Variants in SEZ6L observed in about 807,000 individuals in gnomAD.
The protein encoded by SEZ6L is seizure 6-like protein.
A neutral mutation model predicts 106.2 loss-of-function variants in SEZ6L; 37 were observed. The ratio of observed to expected loss-of-function variants is 0.35; its 90% CI spans 0.27 to 0.46. The LOEUF (loss-of-function observed/expected upper bound fraction) is 0.46. Among genes scored for constraint, SEZ6L ranks in the 20% least tolerant of loss-of-function variants. The pLI is 1.00. For synonymous variants in SEZ6L, 541 were observed against 570.4 expected (o/e 0.95, Z 0.73); for missense variants, 1,172 against 1,332.8 (o/e 0.88, Z 1.88).
intron 1 of SEZ6L, among the ~76,000 whole-genome samples, chr22:26,206,472 T>TA (rs1602029211): frequency 6.6e-6 from 1 of 152,358 alleles, no homozygotes; most frequent in Non-Finnish European, 1.5e-5. Flanking sequence ...ATGCAGTAGA[T>TA]ACCATCCCCA....
intron 1 of SEZ6L, among the ~76,000 whole-genome samples, chr22:26,219,723 A>G (rs1278481762): frequency 1.3e-5 from 2 of 152,242 alleles, no homozygotes; most frequent in Non-Finnish European, 2.9e-5. Context: ...AGGATCATGC[A>G]ATGCCTGGTG....
intron 12 of SEZ6L, among the ~76,000 whole-genome samples, chr22:26,361,292 G>T (rs2083614399): frequency 6.7e-6 from 1 of 148,654 alleles, no homozygotes. Flanking sequence ...GAGGTCAGGA[G>T]TTCGAGACCA....
intron 1 of SEZ6L, among the ~76,000 whole-genome samples, chr22:26,197,856 C>T (rs1006773238): frequency 6.6e-6 from 1 of 152,102 alleles, no homozygotes; most frequent in African/African-American, 2.4e-5. Context: ...AAAGAGAATG[C>T]CGCCATCCAA....
intron 9 of SEZ6L, among the ~76,000 whole-genome samples, chr22:26,314,520 G>A (rs919377034): frequency 3.9e-5 from 6 of 152,156 alleles, no homozygotes; most frequent in African/African-American, 1.4e-4. Flanking sequence ...TCTGGGGCTG[G>A]GTCTGACTAC....
At chr22:26,326,479 T>C (rs181649018) in intron 9 of SEZ6L, among the ~76,000 whole-genome samples, 4 of 152,310 alleles carry the variant, frequency 2.6e-5, no homozygotes, top group South Asian at 2.1e-4. Flanking sequence ...CCCTTACCTT[T>C]GTGCCAAGCT....
intron 1 of SEZ6L, among the ~76,000 whole-genome samples, chr22:26,269,375 A>G (rs970913161): frequency 6.6e-6 from 1 of 152,162 alleles, no homozygotes; most frequent in Non-Finnish European, 1.5e-5. Flanking sequence ...AACTAGCAGT[A>G]CCCACTGCTC....
chr22:26,374,752 T>A (rs532767835), intron 14 of SEZ6L, among the ~76,000 whole-genome samples: 9 of 152,314 alleles, frequency 5.9e-5, no homozygotes, highest in African/African-American at 2.2e-4. Flanking sequence ...GGAGGCCAAG[T>A]TTCTAGAAGG....
intron 10 of SEZ6L, 147 bp from the exon 11 acceptor site, chr22:26,347,572 G>A: frequency 1.7e-6 from 1 of 586,584 alleles, no homozygotes; most frequent in Non-Finnish European, 2.8e-6. Flanking sequence ...CTATAGACGA[G>A]CTCTTGCCAG....
At chr22:26,350,633 G>T (rs1364529073) in intron 11 of SEZ6L, among the ~76,000 whole-genome samples, 1 of 150,740 alleles carries the variant, frequency 6.6e-6, no homozygotes, top group Non-Finnish European at 1.5e-5. Context: ...CTTCCAAAAA[G>T]GAAAAGAACT....
intron 1 of SEZ6L, among the ~76,000 whole-genome samples, chr22:26,283,390 A>G (rs1354843479): frequency 6.6e-6 from 1 of 152,218 alleles, no homozygotes; most frequent in Non-Finnish European, 1.5e-5. Context: ...TAATGTAATC[A>G]TTTAAAAAGA....
chr22:26,371,356 C>A (rs2146075551), intron 13 of SEZ6L, among the ~76,000 whole-genome samples: 1 of 151,984 alleles, frequency 6.6e-6, no homozygotes. Flanking sequence ...TTGGAGCAAT[C>A]CACGCTCACC....
chr22:26,345,344 T>A (rs1228561771), intron 10 of SEZ6L, among the ~76,000 whole-genome samples: 2 of 152,148 alleles, frequency 1.3e-5, no homozygotes, highest in Non-Finnish European at 2.9e-5. Flanking sequence ...AAATTACAAA[T>A]GCAGTGGGTG....
intron 10 of SEZ6L, among the ~76,000 whole-genome samples, 192 bp downstream of exon 10, chr22:26,340,824 A>G (rs1384233640): frequency 2.6e-5 from 4 of 152,198 alleles, no homozygotes; most frequent in Non-Finnish European, 5.9e-5. Flanking sequence ...TAGCACGGTC[A>G]TCGATGTCTG....
intron 1 of SEZ6L, among the ~76,000 whole-genome samples, chr22:26,200,616 G>A (rs1940877737): frequency 6.6e-6 from 1 of 152,214 alleles, no homozygotes; most frequent in African/African-American, 2.4e-5. Flanking sequence ...GCATAGCCCA[G>A]GCTTTGGTCT....
At chr22:26,255,999 A>C (rs1418839144) in intron 1 of SEZ6L, among the ~76,000 whole-genome samples, 1 of 152,204 alleles carries the variant, frequency 6.6e-6, no homozygotes, top group Non-Finnish European at 1.5e-5. Context: ...GGTTAAGCTG[A>C]AGTTCAAAGG....
At chr22:26,278,809 G>A (rs1322419619) in intron 1 of SEZ6L, among the ~76,000 whole-genome samples, 2 of 149,164 alleles carry the variant, frequency 1.3e-5, no homozygotes, top group Admixed American at 6.7e-5. Context: ...AGGAAGGAAG[G>A]AATGAAGGAG....
intron 1 of SEZ6L, among the ~76,000 whole-genome samples, chr22:26,183,564 T>C (rs551816199): frequency 5.4e-4 from 83 of 152,328 alleles, no homozygotes; most frequent in African/African-American, 1.9e-3. Context: ...GTTCCTTTAA[T>C]GGGTGAAATA....
chr22:26,174,116 A>G (rs1938813161), intron 1 of SEZ6L, among the ~76,000 whole-genome samples: 1 of 152,128 alleles, frequency 6.6e-6, no homozygotes, highest in African/African-American at 2.4e-5. Flanking sequence ...GTAAACTACT[A>G]CCATCCGTGC....
At chr22:26,182,590 C>T (rs546409885) in intron 1 of SEZ6L, among the ~76,000 whole-genome samples, 2 of 152,074 alleles carry the variant, frequency 1.3e-5, no homozygotes, top group East Asian at 3.9e-4. Flanking sequence ...CATGGCCTTT[C>T]CCAAGTGTCT....
Sources: allele counts gnomAD v4.1 joint callset (sites outside exome capture counted in the v4.1 genomes callset), GRCh38; gene constraint gnomAD v4.1.1; transcripts MANE v1.5; gene names NCBI Gene and HGNC (gene_info 2026-07-23, HGNC 2026-07-21).